Variants in CTNNA3 observed in about 807,000 individuals in gnomAD.
CTNNA3 encodes catenin alpha-3.
In CTNNA3, 76 loss-of-function variants were observed where a neutral mutation model predicts 95.7. The ratio of observed to expected loss-of-function variants is 0.79; its 90% CI spans 0.66 to 0.96. The LOEUF (loss-of-function observed/expected upper bound fraction) is 0.96. Ranked by LOEUF, CTNNA3 falls within the 40% of genes least tolerant of loss-of-function variation. The pLI, the probability that CTNNA3 is intolerant of heterozygous loss-of-function variation, is 0.00. For synonymous variants in CTNNA3, 431 were observed against 374.4 expected (o/e 1.15, Z -1.74); for missense variants, 1,191 against 1,089.8 (o/e 1.09, Z -1.31).
At chr10:66,631,770 A>G (rs1845143670) in intron 9 of CTNNA3, among the ~76,000 whole-genome samples, 1 of 152,130 alleles carries the variant, frequency 6.6e-6, no homozygotes, top group South Asian at 2.1e-4. Context: ...AAAAAAAAGC[A>G]ATAGATGCAA....
intron 11 of CTNNA3, among the ~76,000 whole-genome samples, chr10:66,430,372 T>A (rs1564955385): frequency 6.6e-6 from 1 of 152,154 alleles, no homozygotes; most frequent in Non-Finnish European, 1.5e-5. Flanking sequence ...AAGCTACCAA[T>A]GACTTTCTTC....
chr10:67,147,668 T>C (rs2132057938), intron 7 of CTNNA3, among the ~76,000 whole-genome samples: 1 of 152,344 alleles, frequency 6.6e-6, no homozygotes, highest in African/African-American at 2.4e-5. Context: ...ATCAAAATAG[T>C]ACATTTTACA....
In CTNNA3 at chr10:66,142,434, A is replaced by G. The variant is rs546813252; in HGVS notation, c.1885-39185T>C. 7.2e-5 allele frequency among the ~76,000 whole-genome samples: 11 copies of G among 152,214 alleles called. 1 individual carries two copies. The highest frequency in any genetic ancestry group is 3.9e-4 in the East Asian group (2 of 5,178). Reference sequence around the variant, plus strand: ...AGCTTTATGGTAAGTCTTGAACTCAATGTTGGTCCTCCAACTTTTTTCTTT... The same window carrying G: ...AGCTTTATGGTAAGTCTTGAACTCAGTGTTGGTCCTCCAACTTTTTTCTTT... On this transcript the variant is annotated intron_variant, in intron 13 of 17. Transcript: ENST00000433211.
intron 1 of CTNNA3, among the ~76,000 whole-genome samples, chr10:67,690,108 C>T (rs757688029): frequency 2.1e-4 from 32 of 152,000 alleles, no homozygotes; most frequent in Non-Finnish European, 2.8e-4. Flanking sequence ...CATATGTGTC[C>T]GGAGTTACTC....
chr10:66,080,372 T>C (rs1201583129), intron 14 of CTNNA3, among the ~76,000 whole-genome samples: 2 of 152,308 alleles, frequency 1.3e-5, no homozygotes, highest in Non-Finnish European at 2.9e-5. Flanking sequence ...TACTCCATTA[T>C]AGTAACCCAA....
chr10:66,805,566 G>T (rs1205848431), intron 7 of CTNNA3, among the ~76,000 whole-genome samples: 2 of 149,952 alleles, frequency 1.3e-5, no homozygotes, highest in Admixed American at 1.3e-4. Flanking sequence ...AATAATAATG[G>T]TAATTTATGG....
intron 10 of CTNNA3, among the ~76,000 whole-genome samples, chr10:66,550,033 C>T (rs764449019): frequency 4.6e-5 from 7 of 152,020 alleles, no homozygotes; most frequent in South Asian, 2.1e-4. Context: ...TTATTGCTGA[C>T]GTAGAGGTGT....
intron 9 of CTNNA3, among the ~76,000 whole-genome samples, chr10:66,704,478 C>T (rs765821210): frequency 6.6e-5 from 10 of 152,092 alleles, no homozygotes; most frequent in Non-Finnish European, 1.2e-4. Flanking sequence ...GGTCTTGGCC[C>T]CATGTGACAC....
chr10:66,176,036 A>G (rs1195261402), intron 13 of CTNNA3, among the ~76,000 whole-genome samples: 1 of 152,110 alleles, frequency 6.6e-6, no homozygotes, highest in East Asian at 1.9e-4. Flanking sequence ...GAACAGTTTT[A>G]TTTTCTGTAT....
chr10:66,461,101 G>T (rs1212152593), intron 11 of CTNNA3, among the ~76,000 whole-genome samples: 2 of 152,120 alleles, frequency 1.3e-5, no homozygotes, highest in Non-Finnish European at 2.9e-5. Flanking sequence ...GTAAAAACTG[G>T]TCATTAGAGG....
chr10:66,457,181 A>G (rs1289330523), intron 11 of CTNNA3, among the ~76,000 whole-genome samples: 1 of 152,136 alleles, frequency 6.6e-6, no homozygotes, highest in African/African-American at 2.4e-5. Context: ...CAAAAGCACA[A>G]TCAATAATTT....
intron 1 of CTNNA3, among the ~76,000 whole-genome samples, chr10:67,716,281 G>A (rs1841142330): frequency 6.6e-6 from 1 of 152,042 alleles, no homozygotes; most frequent in Non-Finnish European, 1.5e-5. Context: ...ACTAGACCAT[G>A]ATCTTTTCTA....
At chr10:66,639,354 C>T (rs116815890) in intron 9 of CTNNA3, among the ~76,000 whole-genome samples, 2,885 of 152,128 alleles carry the variant, frequency 0.019, 59 homozygotes, top group East Asian at 0.075. Flanking sequence ...ATAAAGTATT[C>T]GTATTTATCC....
intron 9 of CTNNA3, among the ~76,000 whole-genome samples, chr10:66,713,295 C>T (rs1050555448): frequency 6.6e-6 from 1 of 152,098 alleles, no homozygotes; most frequent in African/African-American, 2.4e-5. Context: ...CCTCACTTCC[C>T]ATCTCTCCTA....
intron 6 of CTNNA3, among the ~76,000 whole-genome samples, chr10:67,195,480 G>T (rs1439810168): frequency 7.5e-6 from 1 of 132,986 alleles, no homozygotes; most frequent in African/African-American, 2.6e-5. Context: ...TTTACTTAAT[G>T]TAGCTTTATA....
At chr10:65,973,616 G>A (rs1180346737) in intron 16 of CTNNA3, among the ~76,000 whole-genome samples, 3 of 152,100 alleles carry the variant, frequency 2.0e-5, no homozygotes, top group Non-Finnish European at 4.4e-5. Context: ...TAATTGGCTC[G>A]TGGTTCTGCA....
At chr10:66,681,867 C>A (rs1415713728) in intron 9 of CTNNA3, among the ~76,000 whole-genome samples, 1 of 152,114 alleles carries the variant, frequency 6.6e-6, no homozygotes, top group African/African-American at 2.4e-5. Flanking sequence ...CTGAAGAAGG[C>A]TTTACAGAGC....
intron 11 of CTNNA3, among the ~76,000 whole-genome samples, chr10:66,442,388 C>A (rs569560756): frequency 6.6e-6 from 1 of 152,100 alleles, no homozygotes; most frequent in African/African-American, 2.4e-5. Flanking sequence ...AGCTCTTGAC[C>A]TCAAGCTTTT....
Position 66,475,969 on chromosome 10 carries a change from C to T in CTNNA3, c.1531+44648G>A, listed in dbSNP as rs575510724. 1.3e-3 allele frequency among the ~76,000 whole-genome samples: 203 copies of T among 152,140 alleles called. 1 individual carries two copies. Among genetic ancestry groups the T allele is most frequent in the Non-Finnish European group, 1.7e-3 (115 of 67,972 alleles). ...AAAAGACATGGAATCAACGCAAATG[C>T]CATCAATGATAGACTGGATAAAGAA... On this transcript the variant is annotated intron_variant, in intron 11 of 17. Transcript: ENST00000433211.
Sources: allele counts gnomAD v4.1 joint callset (sites outside exome capture counted in the v4.1 genomes callset), GRCh38; gene constraint gnomAD v4.1.1; transcripts MANE v1.5; gene names NCBI Gene and HGNC (gene_info 2026-07-23, HGNC 2026-07-21).